TAS2R1: variants seen among roughly 807,000 people sequenced by gnomAD.
TAS2R1 encodes the protein taste receptor type 2 member 1.
For missense variants in TAS2R1, 370 were observed against 353.4 expected (o/e 1.05, Z -0.38); for synonymous variants, 141 against 134.2 (o/e 1.05, Z -0.35).
At chr5:9,714,160 T>G (rs1335815348), upstream of TAS2R1, 3 of 152,168 alleles carry the variant, frequency 2.0e-5, no homozygotes, top group Non-Finnish European at 1.5e-5. Flanking sequence ...CACCAGAAAT[T>G]TGAACAGGTC....
chr5:9,721,767 T>C, the TAS2R1 span, among the ~76,000 whole-genome samples: 1 of 152,242 alleles, frequency 6.6e-6, no homozygotes, highest in African/African-American at 2.4e-5. Flanking sequence ...ATGATATTAT[T>C]TGAGTATTAT....
intron 2 of TAS2R1, among the ~76,000 whole-genome samples, chr5:9,656,228 C>G (rs895007378): frequency 3.9e-5 from 6 of 152,122 alleles, no homozygotes; most frequent in African/African-American, 1.4e-4. Flanking sequence ...TTGGGAAAAG[C>G]TAAAGAAAAT....
the TAS2R1 span, among the ~76,000 whole-genome samples, chr5:9,885,836 TA>T: frequency 6.6e-6 from 1 of 151,796 alleles, no homozygotes; most frequent in Non-Finnish European, 1.5e-5. Context: ...AAAACATATA[TA>T]AAAAAACAAA....
At chr5:9,855,045 A>G in the TAS2R1 span, among the ~76,000 whole-genome samples, 1 of 152,262 alleles carries the variant, frequency 6.6e-6, no homozygotes, top group Non-Finnish European at 1.5e-5. Flanking sequence ...CAGAACAGCT[A>G]GCAACCCTGC....
intron 1 of TAS2R1, among the ~76,000 whole-genome samples, chr5:9,676,860 G>A (rs1007081165): frequency 3.9e-5 from 6 of 152,082 alleles, no homozygotes; most frequent in African/African-American, 9.7e-5. Flanking sequence ...ATTCCTCAAA[G>A]ACTAAAACAA....
the TAS2R1 span, among the ~76,000 whole-genome samples, chr5:9,755,262 A>G: frequency 6.6e-6 from 1 of 152,170 alleles, no homozygotes; most frequent in African/African-American, 2.4e-5. Flanking sequence ...GAGTTCATAC[A>G]GTAAAGTGAA....
chr5:9,652,449 A>G (rs886468929), intron 2 of TAS2R1, among the ~76,000 whole-genome samples: 1 of 152,126 alleles, frequency 6.6e-6, no homozygotes, highest in Non-Finnish European at 1.5e-5. Flanking sequence ...CCCAGTTACT[A>G]TCGTCATCCT....
chr5:9,858,357 G>A, the TAS2R1 span, among the ~76,000 whole-genome samples: 6 of 152,276 alleles, frequency 3.9e-5, no homozygotes, highest in Non-Finnish European at 7.4e-5. Flanking sequence ...GCAAAGTGCA[G>A]TGCTTACTTT....
chr5:9,768,927 C>G, the TAS2R1 span, among the ~76,000 whole-genome samples: 2 of 152,152 alleles, frequency 1.3e-5, no homozygotes, highest in African/African-American at 4.8e-5. Flanking sequence ...ACAAATGATA[C>G]AATCCTCCTT....
chr5:9,836,992 C>T, the TAS2R1 span, among the ~76,000 whole-genome samples: 3 of 152,120 alleles, frequency 2.0e-5, no homozygotes, highest in Non-Finnish European at 4.4e-5. Flanking sequence ...TTATTTTATG[C>T]AGATGGAAGT....
In TAS2R1 at chr5:9,629,611, C is replaced by G; in HGVS notation, c.422G>C (p.Cys141Ser). 1.2e-6 allele frequency: 2 copies of G among 1,614,078 alleles called. No individual in the cohort carries two copies. Among genetic ancestry groups the G allele is most frequent in the Non-Finnish European group, 1.7e-6 (2 of 1,180,016 alleles). ...LGSLLYVSMI[C>S]VFHSKYAGFM... Reference sequence around the variant, plus strand: ...CCCTGCATATTTGCTATGGAAAACACAAATCATAGATACATATAGCAGAGA... The same window carrying G: ...CCCTGCATATTTGCTATGGAAAACAGAAATCATAGATACATATAGCAGAGA... The change falls in exon 1 of 1, where the codon TGT (cysteine) becomes TCT (serine). Residue 141 changes from cysteine to serine, a missense_variant. Cys to Ser is a moderately radical substitution (Grantham distance 112). Coordinates refer to ENST00000382492, the MANE Select transcript of TAS2R1 (RefSeq NM_019599.3).
chr5:9,753,737 A>G, the TAS2R1 span, among the ~76,000 whole-genome samples: 1 of 152,138 alleles, frequency 6.6e-6, no homozygotes, highest in East Asian at 1.9e-4. Context: ...AGGTGTAAGG[A>G]AGGGATCCAG....
At chr5:9,699,006 A>T (rs74973987) in intron 1 of TAS2R1, among the ~76,000 whole-genome samples, 6 of 152,320 alleles carry the variant, frequency 3.9e-5, no homozygotes, top group Non-Finnish European at 7.4e-5. Context: ...TAAAGGAGAC[A>T]CTTCTTGAGA....
At chr5:9,880,209 A>G in the TAS2R1 span, among the ~76,000 whole-genome samples, 2 of 152,208 alleles carry the variant, frequency 1.3e-5, no homozygotes, top group African/African-American at 4.8e-5. Flanking sequence ...TAGGTTATAG[A>G]TTAGTCTCTG....
the TAS2R1 span, chr5:9,870,354 C>A: frequency 2.6e-5 from 4 of 152,332 alleles, 1 homozygote; most frequent in Admixed American, 1.3e-4. Flanking sequence ...GTCATGCCGG[C>A]ATTCTTATAA....
chr5:9,736,349 C>G, the TAS2R1 span, among the ~76,000 whole-genome samples: 1 of 152,210 alleles, frequency 6.6e-6, no homozygotes, highest in Non-Finnish European at 1.5e-5. Context: ...TCTGCACTTA[C>G]CATTTCTGTG....
chr5:9,836,005 C>G, the TAS2R1 span, among the ~76,000 whole-genome samples: 1 of 152,104 alleles, frequency 6.6e-6, no homozygotes, highest in Non-Finnish European at 1.5e-5. Flanking sequence ...TGAATTCCCA[C>G]CTGTTGTGGG....
the TAS2R1 span, among the ~76,000 whole-genome samples, chr5:9,741,944 G>A: frequency 1.3e-5 from 2 of 152,076 alleles, no homozygotes; most frequent in Non-Finnish European, 2.9e-5. Flanking sequence ...TGCCCAGGCT[G>A]CAGTGCAATG....
chr5:9,836,512 A>T, the TAS2R1 span, among the ~76,000 whole-genome samples: 1 of 152,056 alleles, frequency 6.6e-6, no homozygotes, highest in African/African-American at 2.4e-5. Flanking sequence ...TATGACAACC[A>T]AAATTGTACC....
Sources: gnomAD v4.1 joint callset for allele counts (sites outside exome capture counted in the v4.1 genomes callset) on GRCh38, gnomAD v4.1.1 for gene constraint, MANE v1.5 for transcripts, NCBI Gene and HGNC (gene_info 2026-07-23, HGNC 2026-07-21) for gene names.